The following ZNF469 variants were observed in gnomAD, a reference collection of about 807,000 sequenced individuals.
ZNF469 encodes zinc finger protein 469.
In ZNF469, 1 loss-of-function variant was observed where a neutral mutation model predicts 1.0. That is an observed-to-expected ratio of 1.00 (90% CI 0.35 to 4.73). ZNF469 has a LOEUF of 4.73. Ranked by LOEUF, ZNF469 falls within the 30% of genes most tolerant of loss-of-function variation. The pLI is 0.16. For missense variants in ZNF469, 6,100 were observed against 5,356.3 expected, an observed-to-expected ratio of 1.14 and a Z score of -4.33; for synonymous variants, 2,703 against 2,363.4, an observed-to-expected ratio of 1.14 and a Z score of -4.17.
At chr16:88,372,357 CA>C in the ZNF469 span, among the ~76,000 whole-genome samples, 1 of 136,358 alleles carries the variant, frequency 7.3e-6, no homozygotes, top group Non-Finnish European at 1.6e-5. Context: ...CCATCGTCAC[CA>C]TCGCCATCAC....
chr16:88,158,406 C>T, the ZNF469 span, among the ~76,000 whole-genome samples: 472 of 152,104 alleles, frequency 3.1e-3, 3 homozygotes, highest in African/African-American at 0.01. Context: ...TGCAAGGCGA[C>T]ATCCTGCCAT....
chr16:88,416,599 C>T (rs76435067), intron 1 of ZNF469, among the ~76,000 whole-genome samples: 9,517 of 152,268 alleles, frequency 0.063, 351 homozygotes, highest in African/African-American at 0.077. Context: ...CCACTTCAGA[C>T]GCCACCACCA....
Position 88,431,804 on chromosome 16 carries a change from C to A in ZNF469, c.4334C>A (p.Ala1445Glu). 6.5e-7 allele frequency: 1 copy of A among 1,549,756 alleles called. No individual in the cohort carries two copies. The highest frequency in any genetic ancestry group is 1.2e-5 in the South Asian group (1 of 84,062). The change falls in exon 3 of 3, where the codon GCA becomes GAA. Residue 1445 changes from alanine to glutamate, a missense_variant. By Grantham distance (107) the Ala-to-Glu change is moderately radical. Transcript: ENST00000565624. The stretch of plus-strand genomic sequence containing the variant: ...GCTGAGACGGAGCCAGGCAGGGCTG[C>A]ATCGCCACCGACCTTGGAGTCCTCA... ...GTAETEPGRA[A>E]SPPTLESSSL...
At chr16:88,230,035 C>T in the ZNF469 span, among the ~76,000 whole-genome samples, 3 of 152,212 alleles carry the variant, frequency 2.0e-5, no homozygotes, top group South Asian at 2.1e-4. Flanking sequence ...CACTCTCCAT[C>T]GGGAAGGCTC....
rs1324477613 is a variant in ZNF469, at chr16:88,433,301, C to T, written c.5831C>T (p.Thr1944Ile). Residue 1944 changes from threonine to isoleucine, a missense_variant, in exon 3 of 3, where the codon ACT becomes ATT. Thr to Ile is a moderately conservative substitution (Grantham distance 89, BLOSUM62 -1). Transcript: ENST00000565624. ...AACCCCTCAGGTCTGGAAGGGGGCA[C>T]TGTGGAAGGAGGGAAGGTGGCCTGT... The part of the protein sequence containing the change: ...RVNPSGLEGG[T>I]VEGGKVACGP... The T allele has an allele frequency of 3.9e-6, 6 of 1,550,224 alleles. No individual in the cohort carries two copies. Among genetic ancestry groups the T allele is most frequent in the Non-Finnish European group, 5.2e-6 (6 of 1,146,956 alleles).
the ZNF469 span, among the ~76,000 whole-genome samples, chr16:88,143,055 G>C: frequency 6.6e-6 from 1 of 152,154 alleles, no homozygotes; most frequent in African/African-American, 2.4e-5. Flanking sequence ...GATGGGAGGA[G>C]ACAGGCTGAG....
At chr16:88,265,465 G>A in the ZNF469 span, among the ~76,000 whole-genome samples, 4 of 152,226 alleles carry the variant, frequency 2.6e-5, no homozygotes, top group Non-Finnish European at 5.9e-5. Flanking sequence ...GGCACAGAGG[G>A]GCAGGGGGAC....
the ZNF469 span, among the ~76,000 whole-genome samples, chr16:88,224,190 C>T: frequency 6.6e-6 from 1 of 152,204 alleles, no homozygotes; most frequent in South Asian, 2.1e-4. Context: ...AACATTCCTT[C>T]CTCAACTGGA....
chr16:88,388,228 C>G (rs1904388648), intron 1 of ZNF469, among the ~76,000 whole-genome samples: 1 of 152,270 alleles, frequency 6.6e-6, no homozygotes, highest in Non-Finnish European at 1.5e-5. Context: ...ACACTCCCCA[C>G]CCTCAACCCC....
chr16:88,373,601 C>G, the ZNF469 span, among the ~76,000 whole-genome samples: 1 of 152,188 alleles, frequency 6.6e-6, no homozygotes, highest in Non-Finnish European at 1.5e-5. Context: ...CTTTCTGGTG[C>G]CAACATTCTC....
chr16:88,200,084 G>C, the ZNF469 span, among the ~76,000 whole-genome samples: 1 of 151,834 alleles, frequency 6.6e-6, no homozygotes, highest in African/African-American at 2.4e-5. Context: ...GTCGTGCCCC[G>C]GGGGGAGGAT....
chr16:88,293,593 G>T, the ZNF469 span, among the ~76,000 whole-genome samples: 2 of 152,186 alleles, frequency 1.3e-5, no homozygotes, highest in African/African-American at 4.8e-5. Context: ...GCTTTGTCTA[G>T]AAAGTTCTCC....
chr16:88,428,366 A>G lies in ZNF469; in HGVS notation c.896A>G (p.Asn299Ser), dbSNP rs1905853740. The change falls in exon 3 of 3, where the codon AAT becomes AGT. Residue 299 changes from asparagine to serine, a missense_variant. Coordinates refer to ENST00000565624, the MANE Select transcript of ZNF469 (RefSeq NM_001367624.2). ...PADVAGHAFTNGPLVFAFHQP... is the reference protein window; with the variant it reads ...PADVAGHAFTSGPLVFAFHQP... ...GATGTGGCTGGGCACGCATTCACCA[A>G]TGGGCCACTGGTGTTTGCCTTCCAT... 4 of 1,548,782 alleles carry G rather than the reference A, an allele frequency of 2.6e-6. No individual in the cohort carries two copies. Among genetic ancestry groups the G allele is most frequent in the Non-Finnish European group, 3.5e-6 (4 of 1,146,868 alleles).
chr16:88,393,175 G>A (rs1277131763), intron 1 of ZNF469, among the ~76,000 whole-genome samples: 1 of 152,396 alleles, frequency 6.6e-6, no homozygotes, highest in Non-Finnish European at 1.5e-5. Context: ...ACCAGCCCGT[G>A]TGCATTCCTG....
At chr16:88,126,477 G>C in the ZNF469 span, among the ~76,000 whole-genome samples, 1 of 149,406 alleles carries the variant, frequency 6.7e-6, no homozygotes, top group African/African-American at 2.5e-5. Context: ...TCCCAGTTGT[G>C]CTTGGAGATT....
At chr16:88,420,790 A>G (rs1010879043) in intron 1 of ZNF469, among the ~76,000 whole-genome samples, 3 of 152,150 alleles carry the variant, frequency 2.0e-5, no homozygotes, top group African/African-American at 7.2e-5. Flanking sequence ...CAAGACTCTG[A>G]TCATCCCCAT....
chr16:88,189,834 G>A, the ZNF469 span, among the ~76,000 whole-genome samples: 15 of 152,294 alleles, frequency 9.8e-5, no homozygotes, highest in South Asian at 6.2e-4. This position sits in a 1 kb window ranked among gnomAD's most constrained non-coding sequence, Gnocchi z 4.3. Flanking sequence ...CAGGAGAATC[G>A]CTTGAACCCA....
At chr16:88,143,596 G>GTGGCCC in the ZNF469 span, among the ~76,000 whole-genome samples, 1 of 152,250 alleles carries the variant, frequency 6.6e-6, no homozygotes, top group African/African-American at 2.4e-5. Flanking sequence ...AAGCCAGGAG[G>GTGGCCC]TGGCCCAGGC....
In ZNF469 at chr16:88,437,054, G is replaced by T. The variant is rs998090120; in HGVS notation, c.9584G>T (p.Arg3195Leu). 3 of 1,537,674 alleles carry T rather than the reference G, an allele frequency of 2.0e-6. No individual in the cohort carries two copies. Among genetic ancestry groups the T allele is most frequent in the Non-Finnish European group, 2.6e-6 (3 of 1,143,534 alleles). ...GTCTGGATGTACAACGAGCACCTGC[G>T]TGAGCACGCGGTCCGCTTCGCCCGC... ...ADVWMYNEHL[R>L]EHAVRFARRG... Residue 3195 changes from arginine (R) to leucine (L), a missense_variant, in exon 3 of 3, where the codon CGT becomes CTT. Coordinates refer to ENST00000565624, the MANE Select transcript of ZNF469 (RefSeq NM_001367624.2).
Sources: gnomAD v4.1 joint callset for allele counts (sites outside exome capture counted in the v4.1 genomes callset) on GRCh38, gnomAD v4.1.1 for gene constraint, Gnocchi (gnomAD v3.1) non-coding constraint, MANE v1.5 for transcripts, NCBI Gene and HGNC (gene_info 2026-07-23, HGNC 2026-07-21) for gene names.